The following VWA5B2 variants were observed in gnomAD, a reference collection of about 807,000 sequenced individuals.
The protein encoded by VWA5B2 is von Willebrand factor A domain containing 5B2.
VWA5B2 carries 93 observed loss-of-function variants against 118.5 expected under a neutral mutation model. That is an observed-to-expected ratio of 0.79 (90% CI 0.66 to 0.93). The LOEUF (loss-of-function observed/expected upper bound fraction) is 0.93, where lower values mean the gene tolerates loss of function less well. Ranked by LOEUF, VWA5B2 falls within the 40% of genes least tolerant of loss-of-function variation. VWA5B2 has a pLI of 0.00. For synonymous variants in VWA5B2, 708 were observed against 716.3 expected (o/e 0.99, Z 0.19); for missense variants, 1,546 against 1,672.8 (o/e 0.92, Z 1.32).
In VWA5B2 at chr3:184,235,178, A is replaced by T; in HGVS notation, c.971A>T (p.His324Leu). ...RQVWFLQRRF[H>L]KDILLNPVLA... ...GTGTGGTTCCTGCAGCGACGCTTCC[A>T]CAAGGACATCCTGCTGAACCCCGTG... is the stretch of plus-strand genomic sequence containing the variant. The change falls in exon 8 of 20, where the codon CAC (histidine) becomes CTC (leucine). Residue 324 changes from histidine to leucine, a missense_variant. Around this residue, in one of 3 missense-constraint regions of VWA5B2, gnomAD observed 775 missense variants for 882.3 expected, o/e 0.88. Transcript: ENST00000691901. 6.4e-7 allele frequency: 1 copy of T among 1,551,646 alleles called. No individual in the cohort carries two copies. The highest frequency in any genetic ancestry group is 1.2e-5 in the South Asian group (1 of 84,066).
chr3:184,241,740 G>A lies in VWA5B2; in HGVS notation c.3431G>A (p.Arg1144Gln), dbSNP rs1411045779. The A allele has an allele frequency of 6.7e-7, 1 of 1,488,600 alleles. No homozygotes were observed. Among genetic ancestry groups the A allele is most frequent in the Non-Finnish European group, 8.9e-7 (1 of 1,122,098 alleles). 92.2% of individuals were successfully genotyped at this position (1,488,600 alleles called of 1,614,324 possible). The change falls in exon 20 of 20, where the codon CGG (arginine) becomes CAG (glutamine). Residue 1144 changes from arginine (R) to glutamine (Q), a missense_variant. Around this residue, in one of 3 missense-constraint regions of VWA5B2, gnomAD observed 763 missense variants for 766.6 expected, o/e 1.00. Transcript: ENST00000691901. This position sits in a 1 kb window ranked among gnomAD's most constrained non-coding sequence, Gnocchi z 5.1. ...SEGPGQVDSG[R>Q]GSDTEASEGA... is the part of the protein sequence containing the mutation. ...GGGCCAGGCCAGGTGGACAGTGGGC[G>A]GGGCTCAGACACCGAGGCCTCCGAG...
At chr3:184,234,949 T>A in intron 7 of VWA5B2, 194 bp downstream of exon 7, 1 of 1,092,376 alleles carries the variant, frequency 9.2e-7, no homozygotes, top group Non-Finnish European at 1.3e-6. Context: ...CTCTCTGGGG[T>A]GTGTCTCAGA....
intron 8 of VWA5B2, 116 bp from the exon 9 acceptor site, chr3:184,236,036 G>T: frequency 1.0e-6 from 1 of 972,004 alleles, no homozygotes; most frequent in Non-Finnish European, 1.6e-6. Context: ...CCTCTCCCAG[G>T]TTACCACAGC....
At position 184,240,466 on chromosome 3, in the gene VWA5B2, C is replaced by A. The variant is rs115042950; in HGVS notation, c.2741-325C>A. 746 of 424,740 alleles carry A rather than the reference C, an allele frequency of 1.8e-3. 5 individuals are homozygous for A. Among genetic ancestry groups the A allele is most frequent in the African/African-American group, 0.013 (687 of 51,110 alleles). 26.3% of individuals were successfully genotyped at this position (424,740 alleles called of 1,614,324 possible). On this transcript the variant is annotated intron_variant, in intron 16 of 19. Transcript: ENST00000691901. Reference sequence around the variant, plus strand: ...GTGACTAGTGGCTACCACATTGGATCATGAAGAGAGAGAACATTTCCAAGT... The same window carrying A: ...GTGACTAGTGGCTACCACATTGGATAATGAAGAGAGAGAACATTTCCAAGT...
chr3:184,240,129 G>A (rs16848529), intron 16 of VWA5B2, 93 bp downstream of exon 16: 33,357 of 990,256 alleles, frequency 0.034, 888 homozygotes, highest in African/African-American at 0.1. Context: ...TCTATACCTC[G>A]CTTTGATCAC....
At position 184,233,476 on chromosome 3, in the gene VWA5B2, A is replaced by T; in HGVS notation, c.530+79A>T. On this transcript the variant is annotated intron_variant, in intron 4 of 19. Transcript: ENST00000691901. This position sits in a 1 kb window ranked among gnomAD's most constrained non-coding sequence, Gnocchi z 5.2. The stretch of plus-strand genomic sequence containing the variant: ...GCGGGTGAGGGGGCACTGGCAGGGT[A>T]CCCAGGGATGGGAAGGGTGAGGAAG... 1.3e-6 allele frequency: 2 copies of T among 1,504,970 alleles called. No individual in the cohort carries two copies. The highest frequency in any genetic ancestry group is 1.8e-6 in the Non-Finnish European group (2 of 1,123,960). The allele number at this position is 1,504,970 out of a possible 1,614,324, so 93.2% of individuals were successfully genotyped here. A position where few individuals can be genotyped will look rare whatever the true frequency, so the allele number is the denominator to read the frequency against.
Position 184,236,711 on chromosome 3 carries a change from G to A in VWA5B2, c.1495G>A (p.Ala499Thr). ...TTTATCTGCCCTCAGCAGAGGCCAG[G>A]CCTACTTCCTGAGGCCTGGGCAGAG... ...QGLSALSRGQ[A>T]YFLRPGQRLQ... Residue 499 changes from alanine to threonine, a missense_variant, in exon 11 of 20, where the codon GCC (alanine) becomes ACC (threonine). This residue lies in a region of VWA5B2 where 775 missense variants were observed against 882.3 expected (regional missense o/e 0.88). Coordinates refer to ENST00000691901, the MANE Select transcript of VWA5B2 (RefSeq NM_001390846.1). 1.3e-6 allele frequency: 2 copies of A among 1,548,964 alleles called. No individual in the cohort carries two copies. The highest frequency in any genetic ancestry group is 1.7e-6 in the Non-Finnish European group (2 of 1,144,908).
Position 184,239,389 on chromosome 3 carries a change from T to G in VWA5B2, c.2203-5T>G. ...TGACCAGTGGCCCCCATATCTCACATGCAGGTGGGGGCCTTGAGTACTGAG... is the reference window on the plus strand; with the variant it reads ...TGACCAGTGGCCCCCATATCTCACAGGCAGGTGGGGGCCTTGAGTACTGAG... On this transcript the variant is annotated splice_polypyrimidine_tract_variant and splice_region_variant and intron_variant, in intron 14 of 19. Transcript: ENST00000691901. The surrounding 1 kb of genome is among the most constrained non-coding windows in gnomAD (Gnocchi z 5.1). 1 of 1,533,106 alleles carries G rather than the reference T, an allele frequency of 6.5e-7. No homozygotes were observed. The highest frequency in any genetic ancestry group is 8.8e-7 in the Non-Finnish European group (1 of 1,135,018). 95.0% of individuals were successfully genotyped at this position (1,533,106 alleles called of 1,614,324 possible).
chr3:184,240,755 G>A (rs1718506975), intron 16 of VWA5B2, 36 bp from the exon 17 acceptor site: 1 of 1,546,920 alleles, frequency 6.5e-7, no homozygotes. Context: ...GAGGGTGGGT[G>A]GTGGGGGCTC....
chr3:184,239,339 T>C lies in VWA5B2; in HGVS notation c.2203-55T>C. ...CATGGGCCAGCTGTGCACCCATGTA[T>C]GATGGTCAAGGGTTCTGCATTCCTT... On this transcript the variant is annotated intron_variant, in intron 14 of 19. Coordinates refer to ENST00000691901, the MANE Select transcript of VWA5B2 (RefSeq NM_001390846.1). The surrounding 1 kb of genome is among the most constrained non-coding windows in gnomAD (Gnocchi z 5.1). The C allele has an allele frequency of 1.4e-6, 2 of 1,460,328 alleles. No individual in the cohort carries two copies. Among genetic ancestry groups the C allele is most frequent in the Non-Finnish European group, 1.8e-6 (2 of 1,097,650 alleles). 90.5% of individuals were successfully genotyped at this position (1,460,328 alleles called of 1,614,324 possible).
At chr3:184,232,864 G>C (rs1206542569) in intron 3 of VWA5B2, 3 of 410,318 alleles carry the variant, frequency 7.3e-6, no homozygotes, top group East Asian at 9.3e-5. Flanking sequence ...AGGCAGGCAG[G>C]GGGAGAGGGG....
In VWA5B2 at chr3:184,238,425, T is replaced by C. The variant is rs1398956604; in HGVS notation, c.1842T>C (p.Thr614=). 1 of 1,550,638 alleles carries C rather than the reference T, an allele frequency of 6.4e-7. No individual in the cohort carries two copies. Among genetic ancestry groups the C allele is most frequent in the East Asian group, 2.4e-5 (1 of 40,872 alleles). The change falls in exon 13 of 20, where the codon ACT becomes ACC. Residue 614 remains threonine (T), a synonymous_variant. Transcript: ENST00000691901. The surrounding 1 kb of genome is among the most constrained non-coding windows in gnomAD (Gnocchi z 5.0). ...CCTCAGAGCCACTGGGAACAGGCAC[T>C]GTCTCAGCAGAACTGTCCAGCCCAT... The part of the protein sequence containing the change: ...TGTSEPLGTG[T]VSAELSSPWA...
Position 184,238,430 on chromosome 3 carries a change from C to T in VWA5B2, c.1847C>T (p.Ser616Leu), listed in dbSNP as rs1383433809. ...TSEPLGTGTV[S>L]AELSSPWAAR... ...GAGCCACTGGGAACAGGCACTGTCT[C>T]AGCAGAACTGTCCAGCCCATGGGCT... is the stretch of plus-strand genomic sequence containing the variant. The change falls in exon 13 of 20, where the codon TCA becomes TTA. Residue 616 changes from serine (S) to leucine (L), a missense_variant. Ser to Leu is a moderately radical substitution (Grantham distance 145). This residue lies in a region of VWA5B2 where 775 missense variants were observed against 882.3 expected (regional missense o/e 0.88). Coordinates refer to ENST00000691901, the MANE Select transcript of VWA5B2 (RefSeq NM_001390846.1). This position sits in a 1 kb window ranked among gnomAD's most constrained non-coding sequence, Gnocchi z 5.0. The T allele has an allele frequency of 1.9e-6, 3 of 1,550,412 alleles. No homozygotes were observed. Among genetic ancestry groups the T allele is most frequent in the Non-Finnish European group, 2.6e-6 (3 of 1,146,554 alleles).
Position 184,237,312 on chromosome 3 carries a change from G to A in VWA5B2, c.1620G>A (p.Leu540=), listed in dbSNP as rs139590366. 1,116 of 1,551,558 alleles carry A rather than the reference G, an allele frequency of 7.2e-4. 6 individuals are homozygous for A. The African/African-American group carries it at 0.014, about 19-fold the overall frequency. The change falls in exon 12 of 20, where the codon CTG becomes CTA. Residue 540 remains leucine (L), a synonymous_variant. Transcript: ENST00000691901. The surrounding 1 kb of genome is among the most constrained non-coding windows in gnomAD (Gnocchi z 5.6). ...TTGTGCCCGACACTGTGGAGGCACT[G>A]CTGACCCCCCGGGAGATCCCAGCAC... ...DWFVPDTVEA[L]LTPREIPALY...
chr3:184,238,349 C>A lies in VWA5B2; in HGVS notation c.1766C>A (p.Ser589Tyr), dbSNP rs1365086099. ...AGCTCGGGTGGGTCCGTGTTTCCATCCCCAGAAGAGGCCCCGTCTGCTGCC... is the reference window on the plus strand; with the variant it reads ...AGCTCGGGTGGGTCCGTGTTTCCATACCCAGAAGAGGCCCCGTCTGCTGCC... ...WQSSGGSVFP[S>Y]PEEAPSAASP... Residue 589 changes from serine (S) to tyrosine (Y), a missense_variant, in exon 13 of 20, where the codon TCC becomes TAC. Around this residue, in one of 3 missense-constraint regions of VWA5B2, gnomAD observed 775 missense variants for 882.3 expected, o/e 0.88. Transcript: ENST00000691901. This position sits in a 1 kb window ranked among gnomAD's most constrained non-coding sequence, Gnocchi z 5.0. 7.7e-6 allele frequency: 12 copies of A among 1,549,514 alleles called. No individual in the cohort carries two copies. Among genetic ancestry groups the A allele is most frequent in the Non-Finnish European group, 1.0e-5 (12 of 1,146,298 alleles).
At position 184,241,887 on chromosome 3, in the gene VWA5B2, A is replaced by G. The variant is rs973857244; in HGVS notation, c.3578A>G (p.Lys1193Arg). ...AFDEWELTAAKADCWLRAQHL... is the reference protein window; with the variant it reads ...AFDEWELTAARADCWLRAQHL... ...GACGAGTGGGAACTGACAGCGGCCA[A>G]GGCTGATTGCTGGCTGCGGGCCCAG... The change falls in exon 20 of 20, where the codon AAG (lysine) becomes AGG (arginine). Residue 1193 changes from lysine (K) to arginine (R), a missense_variant. Around this residue, in one of 3 missense-constraint regions of VWA5B2, gnomAD observed 763 missense variants for 766.6 expected, o/e 1.00. Coordinates refer to ENST00000691901, the MANE Select transcript of VWA5B2 (RefSeq NM_001390846.1). This position sits in a 1 kb window ranked among gnomAD's most constrained non-coding sequence, Gnocchi z 5.1. The G allele has an allele frequency of 1.3e-6, 2 of 1,547,458 alleles. No individual in the cohort carries two copies. Among genetic ancestry groups the G allele is most frequent in the Non-Finnish European group, 1.7e-6 (2 of 1,146,782 alleles).
Position 184,234,662 on chromosome 3 carries a change from C to T in VWA5B2, c.852C>T (p.Gly284=), listed in dbSNP as rs762291546. ...ATCAGCCACACCTGATGCTGGAGGG[C>T]GGCAGCCTGAGCTCAGCAGAATATG... ...EPHQPHLMLE[G]GSLSSAEYEA... The change falls in exon 7 of 20, where the codon GGC becomes GGT. Residue 284 remains glycine, a synonymous_variant. Coordinates refer to ENST00000691901, the MANE Select transcript of VWA5B2 (RefSeq NM_001390846.1). The T allele has an allele frequency of 2.0e-5, 31 of 1,551,186 alleles. No homozygotes were observed. In the East Asian group the frequency reaches 3.2e-4, roughly 16 times the overall value.
Position 184,241,566 on chromosome 3 carries a change from G to A in VWA5B2, c.3257G>A (p.Arg1086His). The A allele has an allele frequency of 6.5e-7, 1 of 1,548,604 alleles. No homozygotes were observed. The change falls in exon 20 of 20, where the codon CGC (arginine) becomes CAC (histidine). Residue 1086 changes from arginine to histidine, a missense_variant. Physicochemically the swap from Arg to His is conservative, Grantham distance 29. Transcript: ENST00000691901. The surrounding 1 kb of genome is among the most constrained non-coding windows in gnomAD (Gnocchi z 5.1). ...FCAAVRISQE[R>H]LCRASPFAVH... ...GCCGCTGTGCGCATCTCGCAGGAGCGCCTCTGCCGTGCCTCGCCCTTTGCC... is the reference window on the plus strand; with the variant it reads ...GCCGCTGTGCGCATCTCGCAGGAGCACCTCTGCCGTGCCTCGCCCTTTGCC...
chr3:184,241,422 G>T lies in VWA5B2; in HGVS notation c.3180+18G>T, dbSNP rs919353291. On this transcript the variant is annotated intron_variant, in intron 19 of 19. Transcript: ENST00000691901. This position sits in a 1 kb window ranked among gnomAD's most constrained non-coding sequence, Gnocchi z 5.1. ...TGCCCTTGGTGAGGACTCGGGAGGT[G>T]GAGGGTGGTGCCGCCGGGGCCGGGC... 8 of 1,575,990 alleles carry T rather than the reference G, an allele frequency of 5.1e-6. No individual in the cohort carries two copies. In the African/African-American group the frequency reaches 6.7e-5, roughly 13 times the overall value.
Sources: gnomAD v4.1 joint callset for allele counts on GRCh38, gnomAD v4.1.1 for gene constraint, gnomAD v4.1.1 regional missense constraint, Gnocchi (gnomAD v3.1) non-coding constraint, MANE v1.5 for transcripts, NCBI Gene and HGNC (gene_info 2026-07-23, HGNC 2026-07-21) for gene names.